The following DPYD variants were observed in gnomAD, a reference collection of about 807,000 sequenced individuals.
The protein encoded by DPYD is dihydropyrimidine dehydrogenase.
In DPYD, 109 loss-of-function variants were observed where a neutral mutation model predicts 116.2. That is an observed-to-expected ratio of 0.94 (90% CI 0.80 to 1.10). The LOEUF (loss-of-function observed/expected upper bound fraction) is 1.10. DPYD is among the 50% of genes least tolerant of loss of function. The probability of loss-of-function intolerance (pLI) is 0.00; values close to 1 mark genes in which losing one functional copy is unlikely to be tolerated. For synonymous variants in DPYD, 440 were observed against 432.0 expected (o/e 1.02, Z -0.23); for missense variants, 1,302 against 1,254.5 (o/e 1.04, Z -0.57).
intron 2 of DPYD, among the ~76,000 whole-genome samples, chr1:97,861,466 T>G (rs532224553): frequency 6.6e-6 from 1 of 151,832 alleles, no homozygotes; most frequent in Non-Finnish European, 1.5e-5. Context: ...TCATCAAAAT[T>G]TAAAAAGAGT....
At chr1:97,378,971 C>T (rs1425745898) in intron 15 of DPYD, among the ~76,000 whole-genome samples, 20 of 152,190 alleles carry the variant, frequency 1.3e-4, no homozygotes, top group Non-Finnish European at 1.5e-5. Flanking sequence ...AAACAATAAT[C>T]AAACATTGTA....
chr1:97,685,654 T>G (rs959029029), intron 7 of DPYD, among the ~76,000 whole-genome samples: 1 of 152,124 alleles, frequency 6.6e-6, no homozygotes, highest in Non-Finnish European at 1.5e-5. Context: ...GGATACAAAG[T>G]CAGCGTGCAA....
chr1:97,363,002 C>G (rs760126635), intron 16 of DPYD, among the ~76,000 whole-genome samples: 20 of 152,336 alleles, frequency 1.3e-4, no homozygotes, highest in Admixed American at 4.6e-4. Context: ...AAATTACCAT[C>G]AGAGTGAACG....
At chr1:97,201,935 A>G (rs1458936767) in intron 19 of DPYD, among the ~76,000 whole-genome samples, 1 of 151,482 alleles carries the variant, frequency 6.6e-6, no homozygotes, top group Non-Finnish European at 1.5e-5. Context: ...CAAAGTGATA[A>G]AATTCCAGCA....
At chr1:97,324,162 C>A (rs571336748) in intron 16 of DPYD, among the ~76,000 whole-genome samples, 1 of 152,060 alleles carries the variant, frequency 6.6e-6, no homozygotes, top group African/African-American at 2.4e-5. Flanking sequence ...GTTTTTTGCC[C>A]ATTTTCTAAG....
At chr1:97,549,825 T>C (rs1029951466) in intron 11 of DPYD, 81 bp from the exon 12 acceptor site, 3 of 1,271,064 alleles carry the variant, frequency 2.4e-6, no homozygotes, top group East Asian at 2.5e-5. Context: ...TTAAGAAAAA[T>C]TATGGTTTAA....
intron 16 of DPYD, among the ~76,000 whole-genome samples, chr1:97,307,312 C>A (rs185441356): frequency 1.1e-3 from 162 of 151,814 alleles, no homozygotes; most frequent in African/African-American, 3.8e-3. Context: ...CAGAGAAATA[C>A]AGTCATATAT....
At chr1:97,363,805 G>T (rs1670877825) in intron 16 of DPYD, among the ~76,000 whole-genome samples, 1 of 152,150 alleles carries the variant, frequency 6.6e-6, no homozygotes, top group African/African-American at 2.4e-5. Flanking sequence ...CCTGTCATGG[G>T]GTGGGGAGCA....
chr1:97,351,490 A>G (rs1419262080), intron 16 of DPYD, among the ~76,000 whole-genome samples: 1 of 152,136 alleles, frequency 6.6e-6, no homozygotes, highest in African/African-American at 2.4e-5. Flanking sequence ...TAAATCATGG[A>G]ATGAAAGAAA....
At chr1:97,748,013 G>T (rs1664652365) in intron 3 of DPYD, among the ~76,000 whole-genome samples, 1 of 152,030 alleles carries the variant, frequency 6.6e-6, no homozygotes, top group Non-Finnish European at 1.5e-5. Flanking sequence ...CTTATATATT[G>T]CTTTCTCTTC....
chr1:97,770,700 G>T (rs769899547), intron 3 of DPYD, among the ~76,000 whole-genome samples: 11 of 151,876 alleles, frequency 7.2e-5, no homozygotes, highest in Non-Finnish European at 1.6e-4. Context: ...ATTAAATTGG[G>T]AAACTTCATA....
chr1:97,158,472 G>GCCACACACACACAC (rs1655651729), intron 20 of DPYD, among the ~76,000 whole-genome samples: 1 of 112,030 alleles, frequency 8.9e-6, no homozygotes, highest in African/African-American at 3.3e-5. Flanking sequence ...TAACTCACCA[G>GCCACACACACACAC]ACACACACAC....
chr1:97,188,372 T>C (rs1658140517), intron 20 of DPYD, among the ~76,000 whole-genome samples: 1 of 152,226 alleles, frequency 6.6e-6, no homozygotes, highest in Non-Finnish European at 1.5e-5. Context: ...CTAGCTGGAA[T>C]TTTAATTATA....
intron 20 of DPYD, among the ~76,000 whole-genome samples, chr1:97,174,090 A>G (rs1047563722): frequency 6.6e-6 from 1 of 152,034 alleles, no homozygotes; most frequent in Admixed American, 6.6e-5. Context: ...AATGTATTTG[A>G]TTTAAAGTTT....
chr1:97,599,903 G>A (rs573172700), intron 8 of DPYD, among the ~76,000 whole-genome samples: 11 of 145,562 alleles, frequency 7.6e-5, no homozygotes, highest in Admixed American at 1.4e-4. Context: ...AAAATTAGCC[G>A]GGCGTGCTGG....
Position 97,078,562 on chromosome 1 carries a change from T to C in DPYD, c.*414A>G, listed in dbSNP as rs1384400875. The C allele has an allele frequency of 5.1e-6, 1 of 196,600 alleles. No homozygotes were observed. The highest frequency in any genetic ancestry group is 2.4e-5 in the African/African-American group (1 of 42,210). The allele number at this position is 196,600 out of a possible 1,614,324, so 12.2% of individuals were successfully genotyped here. A position where few individuals can be genotyped will look rare whatever the true frequency, so the allele number is the denominator to read the frequency against. On this transcript the variant is annotated 3_prime_UTR_variant, in exon 23 of 23. Coordinates refer to ENST00000370192, the MANE Select transcript of DPYD (RefSeq NM_000110.4). Reference sequence around the variant, plus strand: ...TTTAATGATAAAATGTTTCCTTGGATACATTTTCTTGTATGTTAAAGAGTA... The same window carrying C: ...TTTAATGATAAAATGTTTCCTTGGACACATTTTCTTGTATGTTAAAGAGTA...
chr1:97,241,149 A>G (rs1232663539), intron 18 of DPYD, among the ~76,000 whole-genome samples: 1 of 151,980 alleles, frequency 6.6e-6, no homozygotes, highest in Non-Finnish European at 1.5e-5. Context: ...TTTCTGCTTC[A>G]TAATGCATTC....
chr1:97,647,667 T>C (rs1229845481), intron 8 of DPYD, among the ~76,000 whole-genome samples: 1 of 152,056 alleles, frequency 6.6e-6, no homozygotes, highest in East Asian at 1.9e-4. Context: ...CTCTAATTAC[T>C]GACTTGTTAT....
intron 13 of DPYD, among the ~76,000 whole-genome samples, chr1:97,469,573 C>A (rs921622595): frequency 6.6e-6 from 1 of 151,950 alleles, no homozygotes; most frequent in African/African-American, 2.4e-5. Flanking sequence ...ATTAGCTATA[C>A]AGAAGAGTAT....
Sources: gnomAD v4.1 joint callset for allele counts (sites outside exome capture counted in the v4.1 genomes callset) on GRCh38, gnomAD v4.1.1 for gene constraint, MANE v1.5 for transcripts, NCBI Gene and HGNC (gene_info 2026-07-23, HGNC 2026-07-21) for gene names.